Variants in PTPRT observed in about 807,000 individuals in gnomAD.
The protein encoded by PTPRT is receptor-type tyrosine-protein phosphatase T.
Under a neutral mutation model 176.8 loss-of-function variants are expected in PTPRT, and 56 were observed. The ratio of observed to expected loss-of-function variants is 0.32; its 90% confidence interval spans 0.26 to 0.40. The LOEUF is 0.40. PTPRT is among the 10% of genes least tolerant of loss of function. PTPRT has a pLI of 1.00. For synonymous variants in PTPRT, 783 were observed against 739.0 expected (o/e 1.06, Z -0.96); for missense variants, 1,540 against 1,908.2 (o/e 0.81, Z 3.60).
intron 1 of PTPRT, among the ~76,000 whole-genome samples, chr20:43,101,579 T>A (rs2012393462): frequency 6.6e-6 from 1 of 151,194 alleles, no homozygotes; most frequent in African/African-American, 2.5e-5. Context: ...ATAACTAGCA[T>A]CATGTTACTC....
chr20:42,544,469 G>A (rs2072638219), intron 7 of PTPRT, among the ~76,000 whole-genome samples: 1 of 152,198 alleles, frequency 6.6e-6, no homozygotes, highest in African/African-American at 2.4e-5. Context: ...TGGCTTAAGG[G>A]AATGCTGCGG....
At chr20:42,787,111 C>A (rs1232884500) in intron 3 of PTPRT, among the ~76,000 whole-genome samples, 1 of 152,144 alleles carries the variant, frequency 6.6e-6, no homozygotes, top group African/African-American at 2.4e-5. Flanking sequence ...CTTGTAAAGA[C>A]AAAAATGTTT....
chr20:42,792,775 C>G (rs907214627), intron 2 of PTPRT, among the ~76,000 whole-genome samples: 1 of 152,194 alleles, frequency 6.6e-6, no homozygotes, highest in Admixed American at 6.5e-5. Flanking sequence ...AGACTAACAG[C>G]TCCCAGTTAA....
chr20:42,588,279 A>G (rs1385272302), intron 7 of PTPRT, among the ~76,000 whole-genome samples: 1 of 152,148 alleles, frequency 6.6e-6, no homozygotes, highest in East Asian at 1.9e-4. Context: ...TGCCGTCTCT[A>G]CTAAAAATAC....
intron 6 of PTPRT, among the ~76,000 whole-genome samples, chr20:42,710,737 G>C (rs1250768812): frequency 6.6e-6 from 1 of 152,238 alleles, no homozygotes; most frequent in Non-Finnish European, 1.5e-5. Context: ...GGGAATGAGG[G>C]CCACTGCCCT....
At chr20:42,600,262 C>G (rs769642039) in intron 7 of PTPRT, among the ~76,000 whole-genome samples, 40 of 152,200 alleles carry the variant, frequency 2.6e-4, no homozygotes, top group Non-Finnish European at 4.6e-4. Context: ...TCCTCAGCCT[C>G]CTGAATAGCT....
chr20:42,303,303 C>T (rs2057496919), intron 12 of PTPRT, among the ~76,000 whole-genome samples: 2 of 152,176 alleles, frequency 1.3e-5, no homozygotes, highest in South Asian at 4.2e-4. Flanking sequence ...AGTACAGCTC[C>T]TCACTATTTG....
chr20:42,613,278 T>C (rs970056572), intron 7 of PTPRT, among the ~76,000 whole-genome samples: 3 of 152,214 alleles, frequency 2.0e-5, no homozygotes, highest in Non-Finnish European at 2.9e-5. Flanking sequence ...GTCCATATGA[T>C]TTTAATCACA....
intron 6 of PTPRT, among the ~76,000 whole-genome samples, chr20:42,741,658 T>C (rs2076612924): frequency 6.6e-6 from 1 of 152,194 alleles, no homozygotes; most frequent in African/African-American, 2.4e-5. Context: ...TTCTGTGATT[T>C]CTGAAGACAG....
At chr20:42,089,710 A>C (rs1168392810) in intron 27 of PTPRT, among the ~76,000 whole-genome samples, 1 of 152,200 alleles carries the variant, frequency 6.6e-6, no homozygotes, top group Non-Finnish European at 1.5e-5. Flanking sequence ...AGAATGGGTG[A>C]ATTCAGCAGG....
At chr20:42,852,128 A>G (rs1416235269) in intron 2 of PTPRT, among the ~76,000 whole-genome samples, 1 of 152,212 alleles carries the variant, frequency 6.6e-6, no homozygotes, top group Non-Finnish European at 1.5e-5. Flanking sequence ...ATTAAGGGAC[A>G]AAATGTCCCT....
intron 5 of PTPRT, among the ~76,000 whole-genome samples, chr20:42,769,870 C>T (rs189021241): frequency 1.8e-4 from 28 of 152,242 alleles, no homozygotes; most frequent in South Asian, 2.1e-4. Context: ...GGGTACATAC[C>T]GCATGCTTCC....
chr20:43,067,593 A>G lies in PTPRT; in HGVS notation c.88+122053T>C, dbSNP rs143579690. On this transcript the variant is annotated intron_variant, in intron 1 of 30. Transcript: ENST00000373187. ...TATGATCTGAGATGTACTTTCAGGC[A>G]AGAACCAAGTAATGCTTACAGGAAG... Among the ~76,000 whole-genome samples the G allele has an allele frequency of 6.9e-3, 1,054 of 152,240 alleles. 6 individuals are homozygous for G. Among genetic ancestry groups the G allele is most frequent in the Non-Finnish European group, 9.8e-3 (668 of 68,024 alleles).
At chr20:42,227,205 A>G (rs1447892793) in intron 15 of PTPRT, among the ~76,000 whole-genome samples, 1 of 151,790 alleles carries the variant, frequency 6.6e-6, no homozygotes, top group East Asian at 1.9e-4. Flanking sequence ...AAGAGGAAAG[A>G]AGGAGGGAAG....
intron 16 of PTPRT, among the ~76,000 whole-genome samples, chr20:42,170,909 T>C (rs925761778): frequency 1.3e-5 from 2 of 152,202 alleles, no homozygotes; most frequent in Admixed American, 1.3e-4. Flanking sequence ...ATAGAGCCTA[T>C]ATTCTGATAC....
At chr20:42,726,389 C>T (rs567876693) in intron 6 of PTPRT, among the ~76,000 whole-genome samples, 1 of 152,246 alleles carries the variant, frequency 6.6e-6, no homozygotes, top group African/African-American at 2.4e-5. Context: ...TGGATGTGGG[C>T]ATCTTTAAGG....
At chr20:42,811,048 C>T (rs534976737) in intron 2 of PTPRT, among the ~76,000 whole-genome samples, 1 of 152,244 alleles carries the variant, frequency 6.6e-6, no homozygotes, top group South Asian at 2.1e-4. Flanking sequence ...CATAACTCTG[C>T]CATCTAGCTT....
chr20:42,950,482 C>T (rs16987642), intron 1 of PTPRT, among the ~76,000 whole-genome samples: 3,968 of 152,202 alleles, frequency 0.026, 125 homozygotes, highest in African/African-American at 0.071. Flanking sequence ...TTGTTAACTA[C>T]GACCATGGGC....
intron 17 of PTPRT, among the ~76,000 whole-genome samples, chr20:42,153,147 G>T (rs1989208270): frequency 6.6e-6 from 1 of 152,194 alleles, no homozygotes. Flanking sequence ...CTAGAGTTCT[G>T]TTACATCATT....
Sources: allele counts gnomAD v4.1 joint callset (sites outside exome capture counted in the v4.1 genomes callset), GRCh38; gene constraint gnomAD v4.1.1; transcripts MANE v1.5; gene names NCBI Gene and HGNC (gene_info 2026-07-23, HGNC 2026-07-21).